RBFOX2: variants seen among roughly 807,000 people sequenced by gnomAD.
RBFOX2 encodes the protein RNA binding protein fox-1 homolog 2.
Under a neutral mutation model 49.1 loss-of-function variants are expected in RBFOX2, and 10 were observed. The observed-to-expected ratio is 0.20, with a 90% CI of 0.13 to 0.35. The LOEUF is 0.35. Ranked by LOEUF, RBFOX2 falls within the 10% of genes least tolerant of loss-of-function variation. RBFOX2 has a pLI of 1.00. For synonymous variants in RBFOX2, 183 were observed against 187.4 expected (o/e 0.98, Z 0.19); for missense variants, 323 against 486.9 (o/e 0.66, Z 3.17).
exon 12 of RBFOX2, chr22:35,740,890 G>C (rs977299799): frequency 6.6e-6 from 1 of 152,196 alleles, no homozygotes; most frequent in Non-Finnish European, 1.5e-5. Flanking sequence ...TCTAAGCTAA[G>C]AGCAGTTTAG....
chr22:35,838,955 T>C (rs1958198780), intron 1 of RBFOX2, among the ~76,000 whole-genome samples: 1 of 152,196 alleles, frequency 6.6e-6, no homozygotes, highest in Non-Finnish European at 1.5e-5. Flanking sequence ...CTAAACAGGA[T>C]TCCAGCTCCT....
At chr22:36,001,227 ACACACACT>A (rs1221588631) in intron 1 of RBFOX2, among the ~76,000 whole-genome samples, 41 of 116,088 alleles carry the variant, frequency 3.5e-4, no homozygotes, top group African/African-American at 1.4e-3. Context: ...ACACACACAC[ACACACACT>A]ATATGTATAT....
rs952243443 is a variant in RBFOX2 at position 35,748,318 on chromosome 22, C to T, written c.888-1757G>A. On this transcript the variant is annotated intron_variant, in intron 9 of 11. Transcript: ENST00000405409. ...TATATGAAGACTCTAATTAATATTA[C>T]CAAACACTGACAATGAAATGGTAAT... is the stretch of plus-strand genomic sequence containing the variant. 2.0e-5 allele frequency: 3 copies of T among 152,156 alleles called. No homozygotes were observed. The South Asian group carries it at 6.2e-4, about 32-fold the overall frequency. The allele number at this position is 152,156 out of a possible 1,614,324, so 9.4% of individuals were successfully genotyped here. A position where few individuals can be genotyped will look rare whatever the true frequency, so the allele number is the denominator to read the frequency against.
chr22:35,821,717 C>A (rs117634549), intron 1 of RBFOX2: 1 of 517,822 alleles, frequency 1.9e-6, no homozygotes, highest in East Asian at 5.5e-5. Flanking sequence ...GGTTCCCAGG[C>A]CAGAGGCTGC....
At chr22:36,007,614 AT>A (rs974300445) in intron 1 of RBFOX2, among the ~76,000 whole-genome samples, 4 of 152,150 alleles carry the variant, frequency 2.6e-5, no homozygotes, top group African/African-American at 4.8e-5. Flanking sequence ...TGTTGGTATG[AT>A]TTTTTTATAT....
At chr22:35,815,255 T>C (rs1179098377) in intron 1 of RBFOX2, among the ~76,000 whole-genome samples, 3 of 152,178 alleles carry the variant, frequency 2.0e-5, no homozygotes, top group Non-Finnish European at 4.4e-5. Context: ...ACTTCAGAGG[T>C]GGGTGTGAAA....
At chr22:35,771,843 A>G (rs1569025443) in intron 4 of RBFOX2, among the ~76,000 whole-genome samples, 1 of 152,208 alleles carries the variant, frequency 6.6e-6, no homozygotes, top group Non-Finnish European at 1.5e-5. Flanking sequence ...AAAGATGTTC[A>G]CAGATTATCC....
intron 1 of RBFOX2, chr22:35,997,968 C>T (rs1325559404): frequency 6.6e-6 from 1 of 152,202 alleles, no homozygotes; most frequent in African/African-American, 2.4e-5. Context: ...AACCACCACA[C>T]TCCAGACTGG....
chr22:35,763,419 G>C (rs367627442), intron 6 of RBFOX2, among the ~76,000 whole-genome samples: 1 of 151,984 alleles, frequency 6.6e-6, no homozygotes, highest in Non-Finnish European at 1.5e-5. Flanking sequence ...AAAATTAGCC[G>C]GATGTGGTGG....
intron 1 of RBFOX2, among the ~76,000 whole-genome samples, chr22:36,017,870 AC>A (rs963386018): frequency 2.6e-5 from 4 of 152,212 alleles, no homozygotes; most frequent in African/African-American, 9.7e-5. Context: ...TGCTATGCCT[AC>A]CCAACACATT....
chr22:35,888,761 A>G (rs1053627044), intron 1 of RBFOX2, among the ~76,000 whole-genome samples: 6 of 152,210 alleles, frequency 3.9e-5, no homozygotes, highest in African/African-American at 1.4e-4. Flanking sequence ...AAATCCAAGG[A>G]CAGTTTTCAG....
At chr22:35,955,346 A>T (rs1242663472) in intron 1 of RBFOX2, among the ~76,000 whole-genome samples, 3 of 152,234 alleles carry the variant, frequency 2.0e-5, no homozygotes, top group Non-Finnish European at 4.4e-5. Context: ...AATTCCTTTA[A>T]AAGTATCAAT....
intron 1 of RBFOX2, chr22:35,996,261 T>C (rs2150131543): frequency 6.6e-6 from 1 of 152,178 alleles, no homozygotes; most frequent in South Asian, 2.1e-4. Context: ...CACCCATATG[T>C]CTCCCACGGT....
intron 1 of RBFOX2, among the ~76,000 whole-genome samples, chr22:36,017,039 G>A (rs1428950187): frequency 6.6e-6 from 1 of 152,162 alleles, no homozygotes; most frequent in Non-Finnish European, 1.5e-5. Flanking sequence ...CAAACCAGAA[G>A]CTGAAAGTGA....
intron 1 of RBFOX2, among the ~76,000 whole-genome samples, chr22:35,892,815 G>T (rs139746322): frequency 2.0e-5 from 3 of 152,104 alleles, no homozygotes; most frequent in Non-Finnish European, 4.4e-5. Context: ...ATTATCTTAC[G>T]CATGTGGAAA....
At chr22:35,746,440 C>T in intron 10 of RBFOX2, 33 bp downstream of exon 12, 1 of 1,484,984 alleles carries the variant, frequency 6.7e-7, no homozygotes, top group Non-Finnish European at 9.2e-7. Flanking sequence ...AGCTCTCATG[C>T]ATCCCAAAGC....
chr22:36,012,692 AATT>A (rs2058867948), intron 1 of RBFOX2, among the ~76,000 whole-genome samples: 1 of 152,106 alleles, frequency 6.6e-6, no homozygotes, highest in Non-Finnish European at 1.5e-5. Context: ...AAGCAACACA[AATT>A]ATTAAGATTT....
At chr22:35,936,848 G>C (rs1205670414) in intron 1 of RBFOX2, among the ~76,000 whole-genome samples, 1 of 152,138 alleles carries the variant, frequency 6.6e-6, no homozygotes, top group Admixed American at 6.5e-5. Context: ...ATCCCCACAA[G>C]AAGAATACAG....
At chr22:35,963,647 C>T (rs574010222), upstream of RBFOX2, among the ~76,000 whole-genome samples, 1 of 152,260 alleles carries the variant, frequency 6.6e-6, no homozygotes, top group African/African-American at 2.4e-5. Flanking sequence ...TTGACTCAAA[C>T]GTACATTAAG....
Sources: gnomAD v4.1 joint callset for allele counts (sites outside exome capture counted in the v4.1 genomes callset) on GRCh38, gnomAD v4.1.1 for gene constraint, MANE v1.5 for transcripts, NCBI Gene and HGNC (gene_info 2026-07-23, HGNC 2026-07-21) for gene names.